The following PLOD2 variants were observed in gnomAD, a reference collection of about 807,000 sequenced individuals.
PLOD2 encodes the protein lysine hydroxylase 2.
PLOD2 carries 65 observed loss-of-function variants against 101.0 expected under a neutral mutation model. That is an observed-to-expected ratio of 0.64 (90% CI 0.53 to 0.79). The LOEUF (loss-of-function observed/expected upper bound fraction) is 0.79. PLOD2 is among the 30% of genes least tolerant of loss of function. The pLI, the probability that PLOD2 is intolerant of heterozygous loss-of-function variation, is 0.00. For synonymous variants in PLOD2, 314 were observed against 302.9 expected, an observed-to-expected ratio of 1.04 and a Z score of -0.38; for missense variants, 909 against 914.6, an observed-to-expected ratio of 0.99 and a Z score of 0.08.
intron 1 of PLOD2, among the ~76,000 whole-genome samples, chr3:146,148,338 G>GCACGCACACACACACACACACA (rs1553742438): frequency 1.2e-4 from 18 of 146,544 alleles, no homozygotes; most frequent in Non-Finnish European, 2.5e-4. Flanking sequence ...AGGCAGGCAC[G>GCACGCACACACACACACACACA]CACACACACA....
chr3:146,110,043 T>C (rs1478881736), intron 4 of PLOD2, among the ~76,000 whole-genome samples: 1 of 152,134 alleles, frequency 6.6e-6, no homozygotes, highest in Non-Finnish European at 1.5e-5. Flanking sequence ...TCTCTAGAAG[T>C]CACTTAAATT....
intron 3 of PLOD2, among the ~76,000 whole-genome samples, chr3:146,116,862 T>C (rs551245991): frequency 6.6e-6 from 1 of 152,212 alleles, no homozygotes; most frequent in East Asian, 1.9e-4. Flanking sequence ...ATATAATAAA[T>C]CTTACCCTAC....
At chr3:146,148,978 GAA>G (rs1330302470) in intron 1 of PLOD2, among the ~76,000 whole-genome samples, 6 of 152,312 alleles carry the variant, frequency 3.9e-5, no homozygotes, top group Non-Finnish European at 8.8e-5. Context: ...ATAATCCACA[GAA>G]ATAAATCCCA....
chr3:146,108,824 T>C (rs1937579192), intron 4 of PLOD2, among the ~76,000 whole-genome samples: 1 of 152,206 alleles, frequency 6.6e-6, no homozygotes, highest in Middle Eastern at 3.2e-3. Flanking sequence ...GATTTCACTA[T>C]GCAAGTCATC....
At chr3:146,083,972 TAAGAG>T (rs1011421474) in intron 11 of PLOD2, among the ~76,000 whole-genome samples, 2 of 151,926 alleles carry the variant, frequency 1.3e-5, no homozygotes, top group African/African-American at 4.8e-5. Flanking sequence ...AATAGTTCAC[TAAGAG>T]AATAATTAAT....
chr3:146,151,454 G>A (rs372446473), intron 1 of PLOD2, among the ~76,000 whole-genome samples: 13 of 151,856 alleles, frequency 8.6e-5, no homozygotes, highest in East Asian at 7.7e-4. Context: ...CCAAGATCGC[G>A]CCATTGCACT....
intron 11 of PLOD2, among the ~76,000 whole-genome samples, chr3:146,083,499 T>G (rs2108014104): frequency 6.6e-6 from 1 of 151,664 alleles, no homozygotes; most frequent in East Asian, 1.9e-4. Context: ...TTTGATTAAC[T>G]AACAGAATTC....
At position 146,104,284 on chromosome 3, in the gene PLOD2, G is replaced by A; in HGVS notation, c.674C>T (p.Ala225Val). The A allele has an allele frequency of 3.8e-6, 6 of 1,574,820 alleles. No homozygotes were observed. The highest frequency in any genetic ancestry group is 5.2e-6 in the Non-Finnish European group (6 of 1,144,210). ...CCGGTATTTAGGAAGCATACCTACA[G>A]CTCCATTTAAGGTCTGGAAAATTTT... The part of the protein sequence containing the change: ...KCKIFQTLNG[A>V]VDEVVLKFEN... The change falls in exon 6 of 20, where the codon GCT (alanine) becomes GTT (valine). Residue 225 changes from alanine to valine, a missense_variant. Coordinates refer to ENST00000282903, the MANE Select transcript of PLOD2 (RefSeq NM_182943.3).
intron 1 of PLOD2, among the ~76,000 whole-genome samples, chr3:146,157,627 GTTTAT>G (rs1480362894): frequency 6.6e-6 from 1 of 152,168 alleles, no homozygotes; most frequent in Non-Finnish European, 1.5e-5. Context: ...TACAATCAGA[GTTTAT>G]TTTAAGATGC....
intron 1 of PLOD2, among the ~76,000 whole-genome samples, chr3:146,148,959 A>G (rs7613150): frequency 0.78 from 118,332 of 152,168 alleles, 46,089 homozygotes; most frequent in East Asian, 0.83. Context: ...TGCTACAACC[A>G]CAATAAGCAT....
chr3:146,157,515 G>A (rs1261520513), intron 1 of PLOD2, among the ~76,000 whole-genome samples: 1 of 152,156 alleles, frequency 6.6e-6, no homozygotes, highest in African/African-American at 2.4e-5. Flanking sequence ...ACATATCTAG[G>A]ATTACAGGAC....
At chr3:146,142,669 G>A (rs1267387931) in intron 1 of PLOD2, among the ~76,000 whole-genome samples, 1 of 152,036 alleles carries the variant, frequency 6.6e-6, no homozygotes, top group Non-Finnish European at 1.5e-5. Context: ...TCCAGTTCTT[G>A]CCCTTAAACA....
chr3:146,123,432 G>A (rs1394757060), intron 2 of PLOD2: 1 of 195,384 alleles, frequency 5.1e-6, no homozygotes, highest in Non-Finnish European at 1.0e-5. Flanking sequence ...TCAATGAGAT[G>A]TTCACCTGGA....
chr3:146,079,174 T>G lies in PLOD2; in HGVS notation c.1442A>C (p.Tyr481Ser). 2 of 1,612,528 alleles carry G rather than the reference T, an allele frequency of 1.2e-6. No homozygotes were observed. Among genetic ancestry groups the G allele is most frequent in the African/African-American group, 1.3e-5 (1 of 74,998 alleles). ...TLRSEMNERN[Y>S]FVRDKLDPDM... is the part of the protein sequence containing the mutation. ...AGGATCCAGTTTATCACGAACAAAA[T>G]AGTTCCTTTCATTCATCTCTGATCG... The change falls in exon 13 of 20, where the codon TAT becomes TCT. Residue 481 changes from tyrosine (Y) to serine (S), a missense_variant. Tyr to Ser is a moderately radical substitution (Grantham distance 144). Transcript: ENST00000282903.
At position 146,160,938 on chromosome 3, in the gene PLOD2, G is replaced by A. The variant is rs745867722; in HGVS notation, c.52C>T (p.His18Tyr). The A allele has an allele frequency of 1.7e-5, 27 of 1,600,966 alleles. No individual in the cohort carries two copies. The South Asian group carries it at 2.8e-4, about 17-fold the overall frequency. Residue 18 changes from histidine to tyrosine, a missense_variant, in exon 1 of 20, where the codon CAC (histidine) becomes TAC (tyrosine). By Grantham distance (83) the His-to-Tyr change is moderately conservative. Transcript: ENST00000282903. ...GCACCCAGACAGGGATTCCAGGGGT[G>A]GAGGACGAGCGCCAGGAGCAGCAGC... ...PQLLLLALVL[H>Y]PWNPCLGADS...
intron 1 of PLOD2, among the ~76,000 whole-genome samples, chr3:146,141,229 A>C (rs1437225578): frequency 6.6e-6 from 1 of 152,040 alleles, no homozygotes; most frequent in Non-Finnish European, 1.5e-5. Flanking sequence ...TTACAATTTA[A>C]ATTGCTGTAT....
At chr3:146,127,942 A>G (rs1014328683) in intron 1 of PLOD2, among the ~76,000 whole-genome samples, 4 of 152,190 alleles carry the variant, frequency 2.6e-5, no homozygotes, top group African/African-American at 9.6e-5. Flanking sequence ...ACCTCCATGG[A>G]AAATAGTATG....
In PLOD2 at chr3:146,100,025, G is replaced by A. The variant is rs548751125; in HGVS notation, c.777+2730C>T. 6.6e-5 allele frequency among the ~76,000 whole-genome samples: 10 copies of A among 152,024 alleles called. No homozygotes were observed. In the East Asian group the frequency reaches 1.9e-3, roughly 30 times the overall value. ...CCCTCTACAGTAGCTGGGATTAAAG[G>A]CATGTGCCACCAACCCCGGCTAATT... On this transcript the variant is annotated intron_variant, in intron 7 of 19. Transcript: ENST00000282903.
At chr3:146,118,229 C>T (rs925639422) in intron 3 of PLOD2, among the ~76,000 whole-genome samples, 1 of 151,974 alleles carries the variant, frequency 6.6e-6, no homozygotes, top group Non-Finnish European at 1.5e-5. Context: ...ATAACAAATG[C>T]TGTAGAAAAA....
Sources: gnomAD v4.1 joint callset for allele counts (sites outside exome capture counted in the v4.1 genomes callset) on GRCh38, gnomAD v4.1.1 for gene constraint, MANE v1.5 for transcripts, NCBI Gene and HGNC (gene_info 2026-07-23, HGNC 2026-07-21) for gene names.